TXNRD1: variants seen among roughly 807,000 people sequenced by gnomAD.
The protein encoded by TXNRD1 is thioredoxin reductase 1, also known as thioredoxin reductase 1, cytoplasmic.
TXNRD1 carries 57 observed loss-of-function variants against 80.3 expected under a neutral mutation model. The ratio of observed to expected loss-of-function variants is 0.71; its 90% CI spans 0.57 to 0.89. The LOEUF (loss-of-function observed/expected upper bound fraction) is 0.89, where lower values mean the gene tolerates loss of function less well. Ranked by LOEUF, TXNRD1 falls within the 40% of genes least tolerant of loss-of-function variation. The probability of loss-of-function intolerance (pLI) is 0.00; values close to 1 mark genes in which losing one functional copy is unlikely to be tolerated. For synonymous variants in TXNRD1, 291 were observed against 285.2 expected, an observed-to-expected ratio of 1.02 and a Z score of -0.20; for missense variants, 730 against 803.0, an observed-to-expected ratio of 0.91 and a Z score of 1.10.
chr12:104,274,476 G>A (rs550034021), intron 3 of TXNRD1, among the ~76,000 whole-genome samples: 3 of 152,074 alleles, frequency 2.0e-5, no homozygotes, highest in Non-Finnish European at 2.9e-5. Flanking sequence ...CGGGTGGATC[G>A]CCTGAGTTCA....
At chr12:104,295,755 C>T (rs2034415437) in intron 4 of TXNRD1, among the ~76,000 whole-genome samples, 2 of 152,154 alleles carry the variant, frequency 1.3e-5, no homozygotes, top group African/African-American at 4.8e-5. Flanking sequence ...ACGACAATCC[C>T]ATAAGTCTTT....
At position 104,272,684 on chromosome 12, in the gene TXNRD1, C is replaced by T. The variant is rs554420306; in HGVS notation, c.304+14605C>T. On this transcript the variant is annotated intron_variant, in intron 3 of 16. Coordinates refer to ENST00000525566, the MANE Select transcript of TXNRD1 (RefSeq NM_001093771.3). Reference sequence around the variant, plus strand: ...GCGGGCGCCTGTAGTCCCAGCTACTCGGGAGGCTGAGGCAGGAGAATGGCA... The same window carrying T: ...GCGGGCGCCTGTAGTCCCAGCTACTTGGGAGGCTGAGGCAGGAGAATGGCA... Among the ~76,000 whole-genome samples the T allele has an allele frequency of 1.3e-4, 19 of 151,466 alleles. No homozygotes were observed. In the East Asian group the frequency reaches 2.1e-3, roughly 17 times the overall value.
At chr12:104,306,826 A>G (rs1181148802) in intron 4 of TXNRD1, among the ~76,000 whole-genome samples, 2 of 152,148 alleles carry the variant, frequency 1.3e-5, no homozygotes, top group Non-Finnish European at 2.9e-5. Flanking sequence ...CTACCAACCA[A>G]GTTCCTTGGG....
chr12:104,274,977 G>A (rs940586904), intron 3 of TXNRD1, among the ~76,000 whole-genome samples: 1 of 152,106 alleles, frequency 6.6e-6, no homozygotes, highest in African/African-American at 2.4e-5. Context: ...AAAAGCAAAT[G>A]GATTGCAGAA....
intron 4 of TXNRD1, chr12:104,309,707 A>G (rs2035056797): frequency 5.8e-6 from 8 of 1,380,358 alleles, no homozygotes; most frequent in Non-Finnish European, 7.8e-6. Context: ...TTGAAGCATA[A>G]TTGATCCTTT....
chr12:104,321,013 T>C, intron 9 of TXNRD1, 78 bp from the exon 10 acceptor site: 2 of 997,572 alleles, frequency 2.0e-6, no homozygotes, highest in South Asian at 1.5e-5. Context: ...AAAGTAAAAA[T>C]GTGTACTTGG....
intron 7 of TXNRD1, among the ~76,000 whole-genome samples, chr12:104,317,912 G>A (rs940192689): frequency 1.3e-5 from 2 of 152,206 alleles, no homozygotes; most frequent in South Asian, 4.1e-4. Context: ...GGCTGAAGTC[G>A]GCAGAGCACT....
At chr12:104,259,568 C>T (rs1346217794) in intron 3 of TXNRD1, among the ~76,000 whole-genome samples, 14 of 150,132 alleles carry the variant, frequency 9.3e-5, no homozygotes, top group Admixed American at 2.7e-4. Context: ...CTCAGCTCAC[C>T]GCAACCTCCG....
At chr12:104,228,528 G>A (rs979807761) in intron 1 of TXNRD1, among the ~76,000 whole-genome samples, 3 of 152,170 alleles carry the variant, frequency 2.0e-5, no homozygotes, top group East Asian at 2.0e-4. Context: ...CTACTTGGGA[G>A]GCTGAGGCAG....
rs1043476501 is a variant in TXNRD1, at chr12:104,331,636, A to G, written c.1645A>G (p.Ile549Val). The change falls in exon 14 of 17, where the codon ATT becomes GTT. Residue 549 changes from isoleucine (I) to valine (V), a missense_variant. Physicochemically the swap from Ile to Val is conservative, Grantham distance 29. Transcript: ENST00000525566. ...KAVEKFGEEN[I>V]EVYHSYFWPL... ...TGTGGAGAAGTTTGGGGAAGAAAAT[A>G]TTGAGGTAAGTTCTTTTCCTCTTTT... The G allele has an allele frequency of 6.2e-7, 1 of 1,606,272 alleles. No individual in the cohort carries two copies. Among genetic ancestry groups the G allele is most frequent in the East Asian group, 2.2e-5 (1 of 44,738 alleles).
At chr12:104,251,818 C>G (rs1477764987) in intron 2 of TXNRD1, 140 bp downstream of exon 2, 2 of 909,360 alleles carry the variant, frequency 2.2e-6, no homozygotes, top group Non-Finnish European at 3.3e-6. Flanking sequence ...GTAATCCCAG[C>G]ACTTTGGGAG....
chr12:104,219,728 A>G (rs1259262630), intron 1 of TXNRD1, among the ~76,000 whole-genome samples: 1 of 152,092 alleles, frequency 6.6e-6, no homozygotes, highest in African/African-American at 2.4e-5. Flanking sequence ...AGTCCTTGGC[A>G]TACTGCCCTA....
At chr12:104,216,117 G>A (rs1425270008) in intron 1 of TXNRD1, among the ~76,000 whole-genome samples, 1 of 152,250 alleles carries the variant, frequency 6.6e-6, no homozygotes, top group Non-Finnish European at 1.5e-5. Context: ...CTGGCTGTGA[G>A]AGAGGTGGGA....
chr12:104,284,385 C>T (rs2033934293), intron 3 of TXNRD1: 1 of 152,096 alleles, frequency 6.6e-6, no homozygotes, highest in African/African-American at 2.4e-5. Context: ...ATATTGAGGG[C>T]CCTAGAGAGC....
At chr12:104,241,063 A>G (rs6419386) in intron 1 of TXNRD1, among the ~76,000 whole-genome samples, 136,830 of 150,272 alleles carry the variant, frequency 0.91, 62,418 homozygotes, top group African/African-American at 0.98. Flanking sequence ...TTTTTGAGAC[A>G]GAGTCTCACT....
At chr12:104,230,889 TA>T (rs1299707521) in intron 1 of TXNRD1, among the ~76,000 whole-genome samples, 1 of 152,156 alleles carries the variant, frequency 6.6e-6, no homozygotes, top group African/African-American at 2.4e-5. Context: ...CCTCACACCC[TA>T]GCCTTTTAAT....
chr12:104,286,576 C>A, intron 3 of TXNRD1: 1 of 359,344 alleles, frequency 2.8e-6, no homozygotes, highest in Non-Finnish European at 3.9e-6. Context: ...CCAACTCAAT[C>A]ACCTTTGGAG....
In TXNRD1 at chr12:104,322,336, G is replaced by C. The variant is rs183081461; in HGVS notation, c.1215+1020G>C. 1.1e-4 allele frequency among the ~76,000 whole-genome samples: 16 copies of C among 147,812 alleles called. No individual in the cohort carries two copies. The East Asian group carries it at 3.0e-3, about 27-fold the overall frequency. The stretch of plus-strand genomic sequence containing the variant: ...TTAAGGCACAAATTTCCTGGAAGCT[G>C]TCAGTGCTTGATTACTGTAGCTGTT... On this transcript the variant is annotated intron_variant, in intron 10 of 16. Transcript: ENST00000525566.
chr12:104,251,409 C>A, intron 1 of TXNRD1, 118 bp from the exon 2 acceptor site: 1 of 997,724 alleles, frequency 1.0e-6, no homozygotes. Flanking sequence ...TCCTCAGATT[C>A]CTTATTTTGG....
Sources: allele counts gnomAD v4.1 joint callset (sites outside exome capture counted in the v4.1 genomes callset), GRCh38; gene constraint gnomAD v4.1.1; transcripts MANE v1.5; gene names NCBI Gene and HGNC (gene_info 2026-07-23, HGNC 2026-07-21).